The following ZDHHC11B variants were observed in gnomAD, a reference collection of about 807,000 sequenced individuals.
ZDHHC11B encodes probable palmitoyltransferase ZDHHC11B.
A neutral mutation model predicts 42.3 loss-of-function variants in ZDHHC11B; 17 were observed. That is an observed-to-expected ratio of 0.40 (90% CI 0.27 to 0.60). The LOEUF is 0.60. Among genes scored for constraint, ZDHHC11B ranks in the 20% least tolerant of loss-of-function variants. The pLI, the probability that ZDHHC11B is intolerant of heterozygous loss-of-function variation, is 0.41. For missense variants in ZDHHC11B, 262 were observed against 463.2 expected (o/e 0.57, Z 3.99); for synonymous variants, 123 against 193.5 (o/e 0.64, Z 3.02).
In ZDHHC11B at chr5:741,333, C is replaced by T. The variant is rs548316184; in HGVS notation, c.935+261G>A. 9.2e-4 allele frequency among the ~76,000 whole-genome samples: 137 copies of T among 149,422 alleles called. 7 individuals carry two copies. The highest frequency in any genetic ancestry group is 1.6e-3 in the Non-Finnish European group (106 of 67,542). On this transcript the variant is annotated intron_variant, in intron 10 of 13. Coordinates refer to ENST00000508859, the MANE Select transcript of ZDHHC11B (RefSeq NM_001351303.2). ...TGTAGAAATAAATAAGCGGGTCGTA[C>T]TCTTGTGTGTTAGTTTAGATGTTAG...
intron 1 of ZDHHC11B, among the ~76,000 whole-genome samples, chr5:777,091 CAGTG>C (rs1186349033): frequency 6.6e-6 from 1 of 151,926 alleles, no homozygotes; most frequent in Non-Finnish European, 1.5e-5. Context: ...CGGAGCCCCG[CAGTG>C]AGTGTCACAG....
At chr5:767,674 C>T in intron 2 of ZDHHC11B, 150 bp from the exon 3 acceptor site, 1 of 590,146 alleles carries the variant, frequency 1.7e-6, no homozygotes, top group South Asian at 2.3e-5. Flanking sequence ...AAAATTCTCA[C>T]TCCTGAGTTT....
At chr5:778,334 A>G (rs1363343869) in intron 1 of ZDHHC11B, among the ~76,000 whole-genome samples, 1 of 151,416 alleles carries the variant, frequency 6.6e-6, no homozygotes, top group African/African-American at 2.4e-5. Flanking sequence ...CCTCCATTAA[A>G]GGCACCTTCT....
In ZDHHC11B at chr5:746,045, G is replaced by A. The variant is rs571935939; in HGVS notation, c.785-747C>T. On this transcript the variant is annotated intron_variant, in intron 8 of 13. Transcript: ENST00000508859. ...CCTGGCCTGTCCTGCAGGCAGCAAA[G>A]CAGCCCAGGGAAGCAAAGCAAAACC... Among the ~76,000 whole-genome samples, 67 of 149,952 alleles carry A rather than the reference G, an allele frequency of 4.5e-4. 4 individuals carry two copies. The highest frequency in any genetic ancestry group is 1.5e-3 in the African/African-American group (63 of 40,928).
At chr5:761,388 G>A (rs1579403641) in intron 4 of ZDHHC11B, among the ~76,000 whole-genome samples, 1 of 151,866 alleles carries the variant, frequency 6.6e-6, no homozygotes, top group East Asian at 1.9e-4. Context: ...GGAGGTGGGG[G>A]AGGCCATCTA....
At chr5:773,984 G>A (rs1233603191) in intron 1 of ZDHHC11B, among the ~76,000 whole-genome samples, 4 of 152,040 alleles carry the variant, frequency 2.6e-5, no homozygotes, top group Admixed American at 2.6e-4. Context: ...CCTCAGAGTG[G>A]GGCAGGCAAA....
At chr5:743,106 C>T (rs1332717270) in intron 9 of ZDHHC11B, among the ~76,000 whole-genome samples, 2 of 149,266 alleles carry the variant, frequency 1.3e-5, no homozygotes, top group African/African-American at 4.9e-5. Flanking sequence ...GTTCTAGTAC[C>T]ACTTGCTGAA....
intron 12 of ZDHHC11B, among the ~76,000 whole-genome samples, chr5:722,957 T>C (rs888432387): frequency 4.0e-5 from 6 of 151,644 alleles, no homozygotes; most frequent in African/African-American, 1.5e-4. Context: ...ATTCAATGTA[T>C]TGCACGTATG....
chr5:744,594 GC>G (rs1432369941), intron 9 of ZDHHC11B, among the ~76,000 whole-genome samples: 1 of 149,380 alleles, frequency 6.7e-6, no homozygotes, highest in Non-Finnish European at 1.5e-5. Context: ...CATGTTTCAG[GC>G]CAGGTACGGT....
intron 7 of ZDHHC11B, among the ~76,000 whole-genome samples, chr5:748,970 A>C: frequency 1.5e-5 from 1 of 68,434 alleles, no homozygotes; most frequent in African/African-American, 4.6e-5. Context: ...CCCCTTCCTA[A>C]GTGCTGGGGT....
intron 13 of ZDHHC11B, among the ~76,000 whole-genome samples, chr5:716,197 A>G (rs1431236208): frequency 6.6e-6 from 1 of 151,110 alleles, no homozygotes; most frequent in African/African-American, 2.4e-5. Context: ...GAGGGAGAGC[A>G]TGCCCCTCTG....
At chr5:776,232 C>A (rs1244031617) in intron 1 of ZDHHC11B, among the ~76,000 whole-genome samples, 1 of 151,798 alleles carries the variant, frequency 6.6e-6, no homozygotes, top group Non-Finnish European at 1.5e-5. Context: ...CCCTCTCGTG[C>A]CTGCAGGTGG....
intron 13 of ZDHHC11B, among the ~76,000 whole-genome samples, chr5:712,711 C>T (rs1173271017): frequency 3.3e-5 from 5 of 151,282 alleles, no homozygotes; most frequent in Non-Finnish European, 5.9e-5. Context: ...AGATCGAGAC[C>T]TTCCTGGCTA....
At chr5:730,104 T>G (rs1395871746) in intron 12 of ZDHHC11B, among the ~76,000 whole-genome samples, 5 of 151,658 alleles carry the variant, frequency 3.3e-5, no homozygotes, top group African/African-American at 1.2e-4. Flanking sequence ...AATGACAAGA[T>G]CTGACTCTCA....
Position 777,502 on chromosome 5 carries a change from G to A in ZDHHC11B, c.-230+7166C>T, listed in dbSNP as rs998198471. Among the ~76,000 whole-genome samples the A allele has an allele frequency of 2.6e-5, 4 of 151,890 alleles. No homozygotes were observed. The East Asian group carries it at 5.8e-4, about 22-fold the overall frequency. Reference sequence around the variant, plus strand: ...ACTGAGCGGCAAGATTTATTGCTAAGAGCAAAAGAACAAACTTTCCACAGC... The same window carrying A: ...ACTGAGCGGCAAGATTTATTGCTAAAAGCAAAAGAACAAACTTTCCACAGC... On this transcript the variant is annotated intron_variant, in intron 1 of 13. Coordinates refer to ENST00000508859, the MANE Select transcript of ZDHHC11B (RefSeq NM_001351303.2).
rs1321509773 is a variant in ZDHHC11B at position 750,755 on chromosome 5, G to A, written c.628+378C>T. Among the ~76,000 whole-genome samples the A allele has an allele frequency of 4.7e-5, 6 of 128,224 alleles. 1 individual carries two copies. The highest frequency in any genetic ancestry group is 5.2e-5 in the Non-Finnish European group (3 of 57,828). The allele number at this position is 128,224 out of a possible 152,430, so 84.1% of individuals were successfully genotyped here. A position where few individuals can be genotyped will look rare whatever the true frequency, so the allele number is the denominator to read the frequency against. On this transcript the variant is annotated intron_variant, in intron 7 of 13. Transcript: ENST00000508859. Reference sequence around the variant, plus strand: ...GCTGCCTCCACTCTCCCTCCCCATGGGCTGCTCCTGCAGGATGGGCACCCC... The same window carrying A: ...GCTGCCTCCACTCTCCCTCCCCATGAGCTGCTCCTGCAGGATGGGCACCCC...
At chr5:733,165 G>A (rs576967987) in intron 11 of ZDHHC11B, among the ~76,000 whole-genome samples, 2 of 150,172 alleles carry the variant, frequency 1.3e-5, no homozygotes, top group African/African-American at 4.9e-5. Context: ...TCCTGTGAAG[G>A]ATGGACACAG....
At chr5:776,392 A>G (rs749328464) in intron 1 of ZDHHC11B, among the ~76,000 whole-genome samples, 19 of 151,944 alleles carry the variant, frequency 1.3e-4, no homozygotes, top group Middle Eastern at 3.4e-3. Flanking sequence ...GGAGGGGATC[A>G]GGACCAGGGA....
chr5:758,179 C>T (rs1229068622), intron 4 of ZDHHC11B, among the ~76,000 whole-genome samples: 2 of 151,890 alleles, frequency 1.3e-5, no homozygotes, highest in South Asian at 2.1e-4. Context: ...AGCCTTGGGA[C>T]GCTATCGGTG....
Sources: allele counts gnomAD v4.1 joint callset (sites outside exome capture counted in the v4.1 genomes callset), GRCh38; gene constraint gnomAD v4.1.1; transcripts MANE v1.5; gene names NCBI Gene and HGNC (gene_info 2026-07-23, HGNC 2026-07-21).